CFAP54: variants seen among roughly 807,000 people sequenced by gnomAD.
CFAP54 encodes cilia- and flagella-associated protein 54.
In CFAP54, 290 loss-of-function variants were observed where a neutral mutation model predicts 370.4. That is an observed-to-expected ratio of 0.78 (90% CI 0.71 to 0.86). The LOEUF is 0.86. CFAP54 is among the 40% of genes least tolerant of loss of function. The pLI, the probability that CFAP54 is intolerant of heterozygous loss-of-function variation, is 0.00. For synonymous variants in CFAP54, 1,206 were observed against 1,236.5 expected, an observed-to-expected ratio of 0.98 and a Z score of 0.52; for missense variants, 3,399 against 3,528.7, an observed-to-expected ratio of 0.96 and a Z score of 0.93.
At chr12:96,758,316 T>C (rs1231607622) in intron 58 of CFAP54, among the ~76,000 whole-genome samples, 3 of 152,112 alleles carry the variant, frequency 2.0e-5, no homozygotes, top group African/African-American at 2.4e-5. Context: ...AACGGACTCA[T>C]AGTTCCATGT....
chr12:96,769,933 C>T (rs73383003), intron 60 of CFAP54, among the ~76,000 whole-genome samples: 2 of 152,166 alleles, frequency 1.3e-5, no homozygotes, highest in Admixed American at 1.3e-4. Context: ...ACAGAGCAAA[C>T]CTTCCAGCCT....
chr12:96,770,656 G>C (rs1217177795), intron 60 of CFAP54, among the ~76,000 whole-genome samples: 1 of 152,224 alleles, frequency 6.6e-6, no homozygotes. Flanking sequence ...CTATGACTCA[G>C]GAAGTGCCAG....
chr12:96,794,813 T>C (rs1958741897), intron 63 of CFAP54, among the ~76,000 whole-genome samples: 1 of 152,134 alleles, frequency 6.6e-6, no homozygotes, highest in Admixed American at 6.5e-5. Context: ...TTAAAGAATC[T>C]TGTTTTGTCA....
chr12:96,552,923 T>C (rs1355299440), intron 15 of CFAP54, among the ~76,000 whole-genome samples: 4 of 152,170 alleles, frequency 2.6e-5, no homozygotes, highest in Admixed American at 2.0e-4. Context: ...AGAGAAGAGA[T>C]ACTTCTTAAT....
intron 50 of CFAP54, among the ~76,000 whole-genome samples, chr12:96,738,714 G>A (rs1057003171): frequency 2.7e-5 from 4 of 149,602 alleles, no homozygotes; most frequent in African/African-American, 5.0e-5. Context: ...GGATTCAAGC[G>A]ATTCTCCTGC....
intron 55 of CFAP54, among the ~76,000 whole-genome samples, chr12:96,748,543 A>G (rs184456556): frequency 6.6e-6 from 1 of 152,112 alleles, no homozygotes; most frequent in East Asian, 1.9e-4. Flanking sequence ...TCCTCAGATT[A>G]TATTCTGATT....
chr12:96,566,488 AT>A (rs202060694), intron 19 of CFAP54, among the ~76,000 whole-genome samples: 1 of 151,864 alleles, frequency 6.6e-6, no homozygotes, highest in Non-Finnish European at 1.5e-5. Flanking sequence ...GGAGGATTAG[AT>A]TTTTTTTAAA....
At position 96,527,255 on chromosome 12, in the gene CFAP54, C is replaced by T; in HGVS notation, c.1168C>T (p.Pro390Ser). 6.6e-7 allele frequency: 1 copy of T among 1,510,378 alleles called. No individual in the cohort carries two copies. Among genetic ancestry groups the T allele is most frequent in the Non-Finnish European group, 8.8e-7 (1 of 1,135,040 alleles). The allele number at this position is 1,510,378 out of a possible 1,614,324, so 93.6% of individuals were successfully genotyped here. Residue 390 changes from proline to serine, a missense_variant, in exon 9 of 68, where the codon CCA becomes TCA. Pro to Ser is a moderately conservative substitution (Grantham distance 74, BLOSUM62 -1). Transcript: ENST00000524981. ...NLREVQTLSW[P>S]RTVTERLLDE... ...TTTTTCTCAATTTCAGTTATCATGG[C>T]CACGAACTGTCACAGAGCGGCTACT...
rs1449628175 is a variant in CFAP54, at chr12:96,625,793, G to A, written c.3962G>A (p.Gly1321Asp). 1 of 1,535,272 alleles carries A rather than the reference G, an allele frequency of 6.5e-7. No homozygotes were observed. The highest frequency in any genetic ancestry group is 8.7e-7 in the Non-Finnish European group (1 of 1,146,342). ...GTAGTTTTGAATTGGTCGGTCAAAG[G>A]TGCCGTGAAAGAAGGTAGGTGAACT... ...YPVVLNWSVKGAVKEVMKFKQ... is the reference protein window; with the variant it reads ...YPVVLNWSVKDAVKEVMKFKQ... Residue 1321 changes from glycine (G) to aspartate (D), a missense_variant, in exon 29 of 68, where the codon GGT becomes GAT. Around this residue, in one of 3 missense-constraint regions of CFAP54, gnomAD observed 2,796 missense variants for 2,869.7 expected, o/e 0.97. Coordinates refer to ENST00000524981, the MANE Select transcript of CFAP54 (RefSeq NM_001306084.2).
At chr12:96,638,402 ATT>A (rs749678371) in intron 32 of CFAP54, among the ~76,000 whole-genome samples, 9 of 142,164 alleles carry the variant, frequency 6.3e-5, no homozygotes, top group Non-Finnish European at 4.7e-5. Flanking sequence ...CACCTGGCTA[ATT>A]TTTTTTTTTT....
intron 20 of CFAP54, among the ~76,000 whole-genome samples, 162 bp downstream of exon 20, chr12:96,576,923 C>T (rs886404024): frequency 1.1e-4 from 17 of 152,180 alleles, no homozygotes; most frequent in Admixed American, 5.2e-4. Flanking sequence ...TTAGTTTCTC[C>T]ATGACTTGTT....
chr12:96,591,628 G>A (rs1228960157), intron 23 of CFAP54, among the ~76,000 whole-genome samples: 4 of 152,046 alleles, frequency 2.6e-5, no homozygotes, highest in Non-Finnish European at 5.9e-5. Flanking sequence ...GGTGGCTCAC[G>A]CCTGTAATCC....
chr12:96,510,759 C>T (rs984035886), intron 4 of CFAP54, among the ~76,000 whole-genome samples: 12 of 151,678 alleles, frequency 7.9e-5, no homozygotes, highest in South Asian at 2.1e-4. Context: ...GTCAGGAGTT[C>T]GAGACCAGCC....
intron 39 of CFAP54, among the ~76,000 whole-genome samples, chr12:96,674,255 C>T (rs1020598853): frequency 1.3e-5 from 2 of 151,822 alleles, no homozygotes; most frequent in African/African-American, 2.4e-5. Context: ...GGGATCCTTC[C>T]GTGGTGGACC....
Position 96,500,907 on chromosome 12 carries a change from C to G in CFAP54, c.391C>G (p.Leu131Val). Residue 131 changes from leucine (L) to valine (V), a missense_variant, in exon 2 of 68, where the codon CTG becomes GTG. Around this residue, in one of 3 missense-constraint regions of CFAP54, gnomAD observed 559 missense variants for 576.7 expected, o/e 0.97. Transcript: ENST00000524981. The stretch of plus-strand genomic sequence containing the variant: ...AGCAGACTATTACAACGAAAAGCTT[C>G]TGAAGGTTGGAGATAGCCTTTGTCA... ...LPADYYNEKL[L>V]KVGDSLCQMK... 1.3e-6 allele frequency: 2 copies of G among 1,535,414 alleles called. No individual in the cohort carries two copies. Among genetic ancestry groups the G allele is most frequent in the Non-Finnish European group, 1.7e-6 (2 of 1,146,424 alleles).
intron 14 of CFAP54, among the ~76,000 whole-genome samples, chr12:96,543,601 C>CGTT (rs2136390516): frequency 1.3e-5 from 2 of 151,798 alleles, no homozygotes; most frequent in South Asian, 4.2e-4. Flanking sequence ...GTGTAATGGA[C>CGTT]ATTATTGCTA....
At chr12:96,680,631 T>G (rs1957258723) in intron 40 of CFAP54, among the ~76,000 whole-genome samples, 1 of 152,172 alleles carries the variant, frequency 6.6e-6, no homozygotes, top group Admixed American at 6.6e-5. Context: ...CAGAGTTTTA[T>G]TTATTTACAT....
At chr12:96,622,182 T>A (rs1956504110) in intron 27 of CFAP54, among the ~76,000 whole-genome samples, 7 of 152,170 alleles carry the variant, frequency 4.6e-5, no homozygotes. Flanking sequence ...TTTATGAGAC[T>A]GCTAATTTTT....
At position 96,786,731 on chromosome 12, in the gene CFAP54, C is replaced by G. The variant is rs1229879168; in HGVS notation, c.8512C>G (p.Leu2838Val). The change falls in exon 62 of 68, where the codon CTT (leucine) becomes GTT (valine). Residue 2838 changes from leucine to valine, a missense_variant. Physicochemically the swap from Leu to Val is conservative, Grantham distance 32 (BLOSUM62 1). This residue lies in a region of CFAP54 where 2,796 missense variants were observed against 2,869.7 expected (regional missense o/e 0.97). Coordinates refer to ENST00000524981, the MANE Select transcript of CFAP54 (RefSeq NM_001306084.2). ...GCCAGATGATACACTTCTCACATCC[C>G]TTTACAACTCTGAGTTGATTTTGCG... ...SLPDDTLLTSLYNSELILRQK... is the reference protein window; with the variant it reads ...SLPDDTLLTSVYNSELILRQK... 4.6e-6 allele frequency: 7 copies of G among 1,535,978 alleles called. No homozygotes were observed. Among genetic ancestry groups the G allele is most frequent in the Non-Finnish European group, 6.1e-6 (7 of 1,146,828 alleles).
Sources: gnomAD v4.1 joint callset for allele counts (sites outside exome capture counted in the v4.1 genomes callset) on GRCh38, gnomAD v4.1.1 for gene constraint, gnomAD v4.1.1 regional missense constraint, MANE v1.5 for transcripts, NCBI Gene and HGNC (gene_info 2026-07-23, HGNC 2026-07-21) for gene names.